RASA1: variants seen among roughly 807,000 people sequenced by gnomAD.
RASA1 encodes ras GTPase-activating protein 1.
Under a neutral mutation model 132.2 loss-of-function variants are expected in RASA1, and 25 were observed. The ratio of observed to expected loss-of-function variants is 0.19; its 90% CI spans 0.14 to 0.26. RASA1 has a LOEUF of 0.26. Ranked by LOEUF, RASA1 falls within the 10% of genes least tolerant of loss-of-function variation. The pLI is 1.00. For synonymous variants in RASA1, 477 were observed against 449.9 expected (o/e 1.06, Z -0.76); for missense variants, 964 against 1,299.2 (o/e 0.74, Z 3.97).
chr5:87,353,063 A>G (rs1031065466), intron 8 of RASA1, 94 bp from the exon 9 acceptor site: 1 of 951,966 alleles, frequency 1.1e-6, no homozygotes, highest in African/African-American at 1.7e-5. Context: ...AAATTTGCTA[A>G]TTAGATAATC....
intron 1 of RASA1, among the ~76,000 whole-genome samples, chr5:87,310,996 T>C (rs1755876416): frequency 6.6e-6 from 1 of 152,212 alleles, no homozygotes; most frequent in Non-Finnish European, 1.5e-5. Context: ...TTATTAATTT[T>C]ATTAAGTTGC....
Position 87,376,051 on chromosome 5 carries a change from A to T in RASA1, c.2012-342A>T, listed in dbSNP as rs1266322191. Among the ~76,000 whole-genome samples, 33 of 152,114 alleles carry T rather than the reference A, an allele frequency of 2.2e-4. 1 individual carries two copies. Among genetic ancestry groups the T allele is most frequent in the Admixed American group, 2.2e-3 (33 of 15,266 alleles). ...TGGAGTTTTCACCTCCACAGGCTGA[A>T]TTAGATATTATTTCTCTGTACTCGA... On this transcript the variant is annotated intron_variant, in intron 15 of 24. Coordinates refer to ENST00000274376, the MANE Select transcript of RASA1 (RefSeq NM_002890.3).
intron 1 of RASA1, among the ~76,000 whole-genome samples, chr5:87,309,288 A>C (rs191358875): frequency 8.6e-4 from 131 of 152,264 alleles, no homozygotes; most frequent in Non-Finnish European, 1.8e-4. Context: ...TACATACATA[A>C]ATAGTATAGA....
intron 1 of RASA1, among the ~76,000 whole-genome samples, chr5:87,307,546 T>C (rs2112297705): frequency 6.6e-6 from 1 of 152,326 alleles, no homozygotes; most frequent in South Asian, 2.1e-4. Context: ...ATTTTACAAA[T>C]TTGATTACTT....
intron 12 of RASA1, among the ~76,000 whole-genome samples, chr5:87,370,957 C>G (rs2112477342): frequency 6.6e-6 from 1 of 152,238 alleles, no homozygotes; most frequent in Non-Finnish European, 1.5e-5. Context: ...ATGTAATGCA[C>G]ATAAAATTTT....
intron 1 of RASA1, among the ~76,000 whole-genome samples, chr5:87,272,840 A>C (rs754493785): frequency 6.6e-6 from 1 of 152,332 alleles, no homozygotes; most frequent in South Asian, 2.1e-4. Context: ...AGTGTTCTCT[A>C]TAAATTCCTA....
At chr5:87,374,041 G>GA (rs1024684812) in intron 13 of RASA1, 122 bp from the exon 14 acceptor site, 409 of 870,308 alleles carry the variant, frequency 4.7e-4, no homozygotes, top group Middle Eastern at 9.0e-4. Context: ...CACATTTTCT[G>GA]AAAAAAAAGG....
rs1270983765 is a variant in RASA1, at chr5:87,363,620, T to C, written c.1610+116T>C. ...CATCTTCTAAAAGTAGCAGATGCAC[T>C]TTCTAGGTAATTTTTGCCTTCCTTG... On this transcript the variant is annotated intron_variant, in intron 11 of 24. Transcript: ENST00000274376. The C allele has an allele frequency of 4.2e-6, 5 of 1,200,972 alleles. No homozygotes were observed. The African/African-American group carries it at 4.6e-5, about 11-fold the overall frequency. The allele number at this position is 1,200,972 out of a possible 1,614,324, so 74.4% of individuals were successfully genotyped here.
chr5:87,346,302 C>A (rs1251441875), intron 6 of RASA1, among the ~76,000 whole-genome samples: 1 of 151,770 alleles, frequency 6.6e-6, no homozygotes, highest in African/African-American at 2.4e-5. Context: ...GAAATGAATT[C>A]ATTAATTTTT....
chr5:87,391,763 C>T lies in RASA1; in HGVS notation c.*880C>T, dbSNP rs1032811361. On this transcript the variant is annotated 3_prime_UTR_variant, in exon 25 of 25. Coordinates refer to ENST00000274376, the MANE Select transcript of RASA1 (RefSeq NM_002890.3). ...CCTTTGATTATGCAGACAACCTCATCAGCTGCCTAACTTATCCATCTTTGA... is the reference window on the plus strand; with the variant it reads ...CCTTTGATTATGCAGACAACCTCATTAGCTGCCTAACTTATCCATCTTTGA... 8 of 232,296 alleles carry T rather than the reference C, an allele frequency of 3.4e-5. No individual in the cohort carries two copies. The highest frequency in any genetic ancestry group is 6.8e-5 in the Non-Finnish European group (8 of 117,454). 14.4% of individuals were successfully genotyped at this position (232,296 alleles called of 1,614,324 possible).
At chr5:87,278,747 A>G (rs1754178733) in intron 1 of RASA1, among the ~76,000 whole-genome samples, 1 of 151,974 alleles carries the variant, frequency 6.6e-6, no homozygotes, top group East Asian at 1.9e-4. Context: ...TGATATATTT[A>G]GTATTTAGTT....
At chr5:87,328,506 TTGAG>T (rs1234487746) in intron 1 of RASA1, among the ~76,000 whole-genome samples, 3 of 152,166 alleles carry the variant, frequency 2.0e-5, no homozygotes, top group Non-Finnish European at 2.9e-5. Context: ...TTTTTAAAAA[TTGAG>T]TATTTTAGAC....
chr5:87,368,505 C>T (rs1760691662), intron 11 of RASA1, among the ~76,000 whole-genome samples: 1 of 152,114 alleles, frequency 6.6e-6, no homozygotes, highest in South Asian at 2.1e-4. Context: ...AGACATTGTA[C>T]ATGAAAAACT....
intron 24 of RASA1, among the ~76,000 whole-genome samples, chr5:87,390,430 TC>T (rs538235653): frequency 7.5e-4 from 109 of 145,388 alleles, no homozygotes; most frequent in African/African-American, 2.1e-3. Context: ...TCCCCGCCCC[TC>T]CCCCCGCAGC....
intron 1 of RASA1, among the ~76,000 whole-genome samples, chr5:87,299,174 G>A (rs1468365588): frequency 1.3e-5 from 2 of 152,100 alleles, no homozygotes; most frequent in Non-Finnish European, 2.9e-5. Context: ...AAACTTTCTT[G>A]TTTAACTCTG....
rs571819598 is a variant in RASA1, at chr5:87,390,905, G to C, written c.*22G>C. On this transcript the variant is annotated 3_prime_UTR_variant, in exon 25 of 25. Transcript: ENST00000274376. ...GTAGCAGCCTTCGCCCCAGTGTTCT[G>C]CATGGATTCAGCATGTCCAACATGG... 9 of 1,584,098 alleles carry C rather than the reference G, an allele frequency of 5.7e-6. No individual in the cohort carries two copies. In the African/African-American group the frequency reaches 9.4e-5, roughly 17 times the overall value.
At position 87,332,661 on chromosome 5, in the gene RASA1, AT is replaced by A; in HGVS notation, c.828+20del. Reference sequence around the variant, plus strand: ...ACCAGAGGCAAGTAAAATGAATAAAATATCTTTCAAAACTTTATTTTTTCAG... The same window carrying A: ...ACCAGAGGCAAGTAAAATGAATAAAAATCTTTCAAAACTTTATTTTTTCAG... On this transcript the variant is annotated intron_variant, in intron 3 of 24. Coordinates refer to ENST00000274376, the MANE Select transcript of RASA1 (RefSeq NM_002890.3). 1.3e-6 allele frequency: 2 copies of A among 1,599,252 alleles called. No homozygotes were observed. Among genetic ancestry groups the A allele is most frequent in the Non-Finnish European group, 1.7e-6 (2 of 1,168,032 alleles).
intron 13 of RASA1, 134 bp from the exon 14 acceptor site, chr5:87,374,029 C>T: frequency 4.2e-6 from 3 of 715,046 alleles, no homozygotes. Context: ...ATAACCAAAG[C>T]TCACATTTTC....
chr5:87,361,950 G>A (rs1760130679), intron 9 of RASA1, among the ~76,000 whole-genome samples: 1 of 152,116 alleles, frequency 6.6e-6, no homozygotes, highest in Non-Finnish European at 1.5e-5. Context: ...TTGAAGCATG[G>A]GAATGTTGCA....
Sources: gnomAD v4.1 joint callset for allele counts (sites outside exome capture counted in the v4.1 genomes callset) on GRCh38, gnomAD v4.1.1 for gene constraint, MANE v1.5 for transcripts, NCBI Gene and HGNC (gene_info 2026-07-23, HGNC 2026-07-21) for gene names.